Variants in FBXO21 observed in about 807,000 individuals in gnomAD.
FBXO21 encodes F-box protein 21.
FBXO21 carries 32 observed loss-of-function variants against 76.6 expected under a neutral mutation model. That is an observed-to-expected ratio of 0.42 (90% CI 0.32 to 0.56). The LOEUF (loss-of-function observed/expected upper bound fraction) is 0.56. Among genes scored for constraint, FBXO21 ranks in the 20% least tolerant of loss-of-function variants. The pLI is 0.16. For missense variants in FBXO21, 586 were observed against 797.3 expected, an observed-to-expected ratio of 0.73 and a Z score of 3.19; for synonymous variants, 328 against 311.5, an observed-to-expected ratio of 1.05 and a Z score of -0.56.
Position 117,174,607 on chromosome 12 carries a change from G to T in FBXO21, c.739+44C>A, listed in dbSNP as rs372467274. 88 of 1,593,786 alleles carry T rather than the reference G, an allele frequency of 5.5e-5. No individual in the cohort carries two copies. The African/African-American group carries it at 1.1e-3, about 19-fold the overall frequency. ...TCTCTCAAATTAACCAATTCCTCTA[G>T]ATTTTCTTTCATAAATACAGCTGGA... On this transcript the variant is annotated intron_variant, in intron 5 of 11. Transcript: ENST00000622495.
chr12:117,155,569 C>T, intron 11 of FBXO21: 3 of 601,230 alleles, frequency 5.0e-6, no homozygotes, highest in Non-Finnish European at 8.9e-6. Context: ...GAGCGGAGGC[C>T]CTGGGGGAGG....
Position 117,174,807 on chromosome 12 carries a change from A to C in FBXO21, c.593-10T>G. 6.2e-7 allele frequency: 1 copy of C among 1,607,224 alleles called. No homozygotes were observed. Among genetic ancestry groups the C allele is most frequent in the Non-Finnish European group, 8.5e-7 (1 of 1,176,268 alleles). ...TCAATATATACAGCACCTGAAAATGAACAAGAATTACCGAATAAATTCTCA... is the reference window on the plus strand; with the variant it reads ...TCAATATATACAGCACCTGAAAATGCACAAGAATTACCGAATAAATTCTCA... On this transcript the variant is annotated splice_polypyrimidine_tract_variant and intron_variant, in intron 4 of 11. Coordinates refer to ENST00000622495, the MANE Select transcript of FBXO21 (RefSeq NM_015002.3).
chr12:117,185,275 C>A (rs900428510), intron 3 of FBXO21, among the ~76,000 whole-genome samples: 18 of 152,084 alleles, frequency 1.2e-4, no homozygotes, highest in Non-Finnish European at 2.9e-5. Flanking sequence ...CATCTGAACT[C>A]ATCCAAGGCC....
At chr12:117,161,482 T>C (rs183806188) in intron 9 of FBXO21, among the ~76,000 whole-genome samples, 22 of 151,888 alleles carry the variant, frequency 1.4e-4, no homozygotes, top group African/African-American at 3.9e-4. Context: ...AGGGACCTAA[T>C]TGATATTTTG....
In FBXO21 at chr12:117,189,185, A is replaced by G. The variant is rs557168957; in HGVS notation, c.375+42T>C. On this transcript the variant is annotated intron_variant, in intron 2 of 11. Coordinates refer to ENST00000622495, the MANE Select transcript of FBXO21 (RefSeq NM_015002.3). ...CATGCCTGCAGACCCAGACACATAC[A>G]CCAGCAAGCCAAAGCTTAGAGCCAC... 6.8e-6 allele frequency: 11 copies of G among 1,613,692 alleles called. No individual in the cohort carries two copies. In the Admixed American group the frequency reaches 1.7e-4, roughly 24 times the overall value.
chr12:117,160,602 T>C (rs917254318), intron 9 of FBXO21, among the ~76,000 whole-genome samples: 23 of 152,158 alleles, frequency 1.5e-4, no homozygotes, highest in Admixed American at 1.4e-3. Flanking sequence ...CTTTGAGTCT[T>C]CTTTATTCAT....
rs75860160 is a variant in FBXO21 at position 117,146,318 on chromosome 12, C to T, written c.1676-41G>A. On this transcript the variant is annotated intron_variant, in intron 11 of 11. Transcript: ENST00000622495. ...CACACGGGCATTCTCATTACAATGTCCATTGCTGCCACACCTTTCATCCAG... is the reference window on the plus strand; with the variant it reads ...CACACGGGCATTCTCATTACAATGTTCATTGCTGCCACACCTTTCATCCAG... 2,626 of 1,509,396 alleles carry T rather than the reference C, an allele frequency of 1.7e-3. 28 individuals carry two copies. In the African/African-American group the frequency reaches 0.032, roughly 18 times the overall value. The allele number at this position is 1,509,396 out of a possible 1,614,324, so 93.5% of individuals were successfully genotyped here.
At chr12:117,171,357 C>CAAAA (rs57835444) in intron 7 of FBXO21, among the ~76,000 whole-genome samples, 6 of 52,638 alleles carry the variant, frequency 1.1e-4, no homozygotes, top group Non-Finnish European at 1.7e-4. Context: ...GACCCTGTCT[C>CAAAA]AAAAAAAAAA....
intron 3 of FBXO21, among the ~76,000 whole-genome samples, chr12:117,183,065 C>T (rs1956250647): frequency 1.3e-5 from 2 of 152,144 alleles, no homozygotes; most frequent in Non-Finnish European, 2.9e-5. Flanking sequence ...AGCATTCCAC[C>T]CTGGGTGACA....
At position 117,166,914 on chromosome 12, in the gene FBXO21, A is replaced by T. The variant is rs770885642; in HGVS notation, c.1177T>A (p.Leu393Ile). 1 of 1,614,194 alleles carries T rather than the reference A, an allele frequency of 6.2e-7. No homozygotes were observed. The highest frequency in any genetic ancestry group is 8.5e-7 in the Non-Finnish European group (1 of 1,180,022). Residue 393 changes from leucine (L) to isoleucine (I), a missense_variant, in exon 8 of 12, where the codon TTA (leucine) becomes ATA (isoleucine). Leu to Ile is a conservative substitution (Grantham distance 5). This residue lies in a region of FBXO21 where 9 missense variants were observed against 40.6 expected (regional missense o/e 0.22). Coordinates refer to ENST00000622495, the MANE Select transcript of FBXO21 (RefSeq NM_015002.3). ...KVLQRMVGNLLSLGKREGIDQ... is the reference protein window; with the variant it reads ...KVLQRMVGNLISLGKREGIDQ... ...AAACCTTACCGCTTCCCCAGGCTTAACAGGTTTCCCACCATTCTCTGTAAC... is the reference window on the plus strand; with the variant it reads ...AAACCTTACCGCTTCCCCAGGCTTATCAGGTTTCCCACCATTCTCTGTAAC...
chr12:117,186,613 T>C (rs4767516), intron 2 of FBXO21, 42 bp from the exon 3 acceptor site: 103,968 of 1,237,034 alleles, frequency 0.084, 5,240 homozygotes, highest in Non-Finnish European at 0.1. Context: ...ATTATGAGTA[T>C]TGATGCAACT....
chr12:117,167,811 T>C (rs1956072333), intron 7 of FBXO21, among the ~76,000 whole-genome samples: 1 of 151,400 alleles, frequency 6.6e-6, no homozygotes, highest in Admixed American at 6.6e-5. Context: ...TCTGCTGACA[T>C]GCTGAGGTGG....
At chr12:117,179,486 G>C (rs1308120269) in intron 3 of FBXO21, among the ~76,000 whole-genome samples, 2 of 151,652 alleles carry the variant, frequency 1.3e-5, no homozygotes, top group South Asian at 2.1e-4. Flanking sequence ...ATTTGTTGAA[G>C]AACCTGGGTT....
At chr12:117,173,036 A>G (rs201158399) in intron 6 of FBXO21, among the ~76,000 whole-genome samples, 6 of 143,900 alleles carry the variant, frequency 4.2e-5, no homozygotes, top group Non-Finnish European at 7.6e-5. Context: ...TGCTGAAATA[A>G]TTTTTTTTTT....
intron 6 of FBXO21, 112 bp downstream of exon 6, chr12:117,174,093 C>A (rs904656): frequency 1.1e-6 from 1 of 875,378 alleles, no homozygotes; most frequent in Non-Finnish European, 1.8e-6. Context: ...GCTATGATCG[C>A]GCCACTGCAT....
intron 3 of FBXO21, among the ~76,000 whole-genome samples, chr12:117,184,979 T>C (rs1454197530): frequency 6.6e-6 from 1 of 152,084 alleles, no homozygotes; most frequent in Admixed American, 6.5e-5. Flanking sequence ...CCTGGGCTGT[T>C]ATCAAGAATT....
chr12:117,170,448 A>T (rs1319407242), intron 7 of FBXO21, among the ~76,000 whole-genome samples: 4 of 152,234 alleles, frequency 2.6e-5, no homozygotes, highest in African/African-American at 9.6e-5. Flanking sequence ...TTGAAGAACT[A>T]GCTGGAGTTT....
chr12:117,152,394 A>T (rs1344189520), intron 11 of FBXO21, among the ~76,000 whole-genome samples: 1 of 151,678 alleles, frequency 6.6e-6, no homozygotes, highest in African/African-American at 2.4e-5. Flanking sequence ...TGAGCCCAGG[A>T]GGTTGAGGCT....
At chr12:117,185,022 C>G (rs1956269071) in intron 3 of FBXO21, among the ~76,000 whole-genome samples, 1 of 151,988 alleles carries the variant, frequency 6.6e-6, no homozygotes, top group Non-Finnish European at 1.5e-5. Flanking sequence ...ACAATGTAAA[C>G]AGAGGGAATG....
Sources: gnomAD v4.1 joint callset for allele counts (sites outside exome capture counted in the v4.1 genomes callset) on GRCh38, gnomAD v4.1.1 for gene constraint, gnomAD v4.1.1 regional missense constraint, MANE v1.5 for transcripts, NCBI Gene and HGNC (gene_info 2026-07-23, HGNC 2026-07-21) for gene names.